Variants in GRIN2B observed in about 807,000 individuals in gnomAD.
The protein encoded by GRIN2B is glutamate receptor ionotropic, NMDA 2B.
A neutral mutation model predicts 114.5 loss-of-function variants in GRIN2B; 5 were observed. The ratio of observed to expected loss-of-function variants is 0.04; its 90% CI spans 0.02 to 0.09. The LOEUF (loss-of-function observed/expected upper bound fraction) is 0.09, where lower values mean the gene tolerates loss of function less well. Ranked by LOEUF, GRIN2B falls within the 10% of genes least tolerant of loss-of-function variation. GRIN2B has a pLI of 1.00. For missense variants in GRIN2B, 1,108 were observed against 1,943.5 expected (o/e 0.57, Z 8.08); for synonymous variants, 787 against 745.1 (o/e 1.06, Z -0.92).
intron 2 of GRIN2B, among the ~76,000 whole-genome samples, chr12:13,955,204 T>C (rs1048754052): frequency 1.3e-5 from 2 of 152,224 alleles, no homozygotes; most frequent in African/African-American, 4.8e-5. Context: ...TTCTATTTGA[T>C]TGGATATTAT....
intron 3 of GRIN2B, among the ~76,000 whole-genome samples, chr12:13,801,189 C>T (rs140135404): frequency 1.9e-4 from 29 of 152,218 alleles, no homozygotes; most frequent in African/African-American, 6.5e-4. Flanking sequence ...TTCTATATAA[C>T]GAGGACAGTA....
chr12:13,844,208 G>A (rs1181826473), intron 3 of GRIN2B, among the ~76,000 whole-genome samples: 1 of 152,134 alleles, frequency 6.6e-6, no homozygotes, highest in African/African-American at 2.4e-5. Context: ...GACTTAACTT[G>A]GTCATATTTG....
intron 2 of GRIN2B, among the ~76,000 whole-genome samples, chr12:13,919,508 C>T (rs933696997): frequency 1.3e-5 from 2 of 152,146 alleles, no homozygotes; most frequent in African/African-American, 4.8e-5. Flanking sequence ...GCCTGTATGA[C>T]ATGAAAGATT....
intron 2 of GRIN2B, among the ~76,000 whole-genome samples, chr12:13,913,734 T>C (rs1435396750): frequency 6.6e-6 from 1 of 152,174 alleles, no homozygotes; most frequent in Non-Finnish European, 1.5e-5. Flanking sequence ...AGCATTTACA[T>C]CATCTACCTT....
In GRIN2B at chr12:13,739,884, T is replaced by C. The variant is rs929613132; in HGVS notation, c.1010+13433A>G. Among the ~76,000 whole-genome samples, 3 of 152,168 alleles carry C rather than the reference T, an allele frequency of 2.0e-5. No individual in the cohort carries two copies. The East Asian group carries it at 5.8e-4, about 29-fold the overall frequency. ...GAACGCTGCTGAGTAGCACCGGGCGTCATGGCAACACCATGGTTCCTATTT... is the reference window on the plus strand; with the variant it reads ...GAACGCTGCTGAGTAGCACCGGGCGCCATGGCAACACCATGGTTCCTATTT... On this transcript the variant is annotated intron_variant, in intron 4 of 13. Transcript: ENST00000609686.
intron 10 of GRIN2B, among the ~76,000 whole-genome samples, chr12:13,589,204 C>G (rs746595867): frequency 7.9e-5 from 12 of 152,126 alleles, no homozygotes; most frequent in Non-Finnish European, 1.8e-4. Context: ...TTGTTATATA[C>G]TAGGTATTAT....
At position 13,615,133 on chromosome 12, in the gene GRIN2B, G is replaced by A. The variant is rs769853132; in HGVS notation, c.1635C>T (p.Val545=). 6.2e-7 allele frequency: 1 copy of A among 1,613,170 alleles called. No individual in the cohort carries two copies. The highest frequency in any genetic ancestry group is 1.1e-5 in the South Asian group (1 of 91,044). The change falls in exon 8 of 14, where the codon GTC becomes GTT. Residue 545 remains valine (V), a synonymous_variant. Coordinates refer to ENST00000609686, the MANE Select transcript of GRIN2B (RefSeq NM_000834.5). The surrounding 1 kb of genome is among the most constrained non-coding windows in gnomAD (Gnocchi z 5.8). ...ATTTACCTAAGAAGGCAGAAGGTGAGACAGTCCCATTGCTGCGTGACACCA... is the reference window on the plus strand; with the variant it reads ...ATTTACCTAAGAAGGCAGAAGGTGAAACAGTCCCATTGCTGCGTGACACCA... The part of the protein sequence containing the change: ...SVMVSRSNGT[V]SPSAFLEPFS...
chr12:13,918,192 T>C (rs1234034070), intron 2 of GRIN2B, among the ~76,000 whole-genome samples: 2 of 152,210 alleles, frequency 1.3e-5, no homozygotes, highest in Non-Finnish European at 2.9e-5. Context: ...TTCTAACCTG[T>C]AAAATGGGAA....
intron 5 of GRIN2B, among the ~76,000 whole-genome samples, chr12:13,622,084 G>A (rs370401221): frequency 9.2e-5 from 14 of 152,242 alleles, no homozygotes; most frequent in Non-Finnish European, 2.9e-5. Context: ...AAAGGACATC[G>A]GTCTCCTCGG....
At chr12:13,916,564 A>T (rs1446197426) in intron 2 of GRIN2B, among the ~76,000 whole-genome samples, 2 of 152,110 alleles carry the variant, frequency 1.3e-5, no homozygotes, top group East Asian at 1.9e-4. Context: ...ATAAATATCT[A>T]TCGGCCAGGC....
intron 2 of GRIN2B, among the ~76,000 whole-genome samples, chr12:13,876,495 T>C (rs1957639311): frequency 1.3e-5 from 2 of 152,140 alleles, no homozygotes; most frequent in African/African-American, 2.4e-5. Context: ...ACCTTAGAAA[T>C]AGGTTGTTTT....
intron 2 of GRIN2B, among the ~76,000 whole-genome samples, chr12:13,947,119 T>C (rs894827082): frequency 6.6e-6 from 1 of 152,192 alleles, no homozygotes; most frequent in Non-Finnish European, 1.5e-5. Flanking sequence ...ATCCATGCCT[T>C]CATACTGCTT....
At chr12:13,732,639 T>C (rs1239602964) in intron 4 of GRIN2B, among the ~76,000 whole-genome samples, 1 of 152,224 alleles carries the variant, frequency 6.6e-6, no homozygotes, top group African/African-American at 2.4e-5. Context: ...GTATGGGGAC[T>C]TCACTTCTTG....
intron 5 of GRIN2B, chr12:13,634,254 T>C (rs1029809937): frequency 1.3e-5 from 2 of 152,224 alleles, no homozygotes; most frequent in South Asian, 2.1e-4. Flanking sequence ...GTAATGAAAC[T>C]GAGGAAAGAG....
intron 3 of GRIN2B, among the ~76,000 whole-genome samples, chr12:13,824,678 C>A (rs996590346): frequency 2.0e-5 from 3 of 151,890 alleles, no homozygotes; most frequent in African/African-American, 7.3e-5. Flanking sequence ...CATGGTGAAA[C>A]CCCGTCTCTA....
chr12:13,699,608 AG>A (rs1267193569), intron 4 of GRIN2B, among the ~76,000 whole-genome samples: 1 of 150,410 alleles, frequency 6.6e-6, no homozygotes, highest in Non-Finnish European at 1.5e-5. Flanking sequence ...TTTTTTTTTT[AG>A]ATGGAGTCTT....
intron 2 of GRIN2B, among the ~76,000 whole-genome samples, chr12:13,891,543 C>A (rs1176234863): frequency 6.6e-6 from 1 of 152,164 alleles, no homozygotes. Flanking sequence ...ATGGTTAAGA[C>A]TGTCAGCAGT....
intron 10 of GRIN2B, among the ~76,000 whole-genome samples, chr12:13,599,209 G>C (rs945956106): frequency 6.6e-6 from 1 of 152,094 alleles, no homozygotes; most frequent in African/African-American, 2.4e-5. Flanking sequence ...AGGAAATCTC[G>C]ATGTGGAATC....
At chr12:13,744,662 GC>G (rs1863345376) in intron 4 of GRIN2B, among the ~76,000 whole-genome samples, 1 of 152,126 alleles carries the variant, frequency 6.6e-6, no homozygotes, top group African/African-American at 2.4e-5. Flanking sequence ...GCTGTAGGCA[GC>G]CCCCGGCCGG....
Sources: gnomAD v4.1 joint callset for allele counts (sites outside exome capture counted in the v4.1 genomes callset) on GRCh38, gnomAD v4.1.1 for gene constraint, Gnocchi (gnomAD v3.1) non-coding constraint, MANE v1.5 for transcripts, NCBI Gene and HGNC (gene_info 2026-07-23, HGNC 2026-07-21) for gene names.